Variants in CNKSR2 observed in about 807,000 individuals in gnomAD.
CNKSR2 encodes CNK homolog protein 2.
CNKSR2 carries 14 observed loss-of-function variants against 84.4 expected under a neutral mutation model. The observed-to-expected ratio is 0.17, with a 90% CI of 0.11 to 0.26. The LOEUF (loss-of-function observed/expected upper bound fraction) is 0.26, where lower values mean the gene tolerates loss of function less well. CNKSR2 is among the 10% of genes least tolerant of loss of function. CNKSR2 has a pLI of 1.00. For synonymous variants in CNKSR2, 275 were observed against 277.9 expected, an observed-to-expected ratio of 0.99 and a Z score of 0.10; for missense variants, 485 against 771.2, an observed-to-expected ratio of 0.63 and a Z score of 4.40.
chrX:21,635,537 A>T (rs866362206), intron 20 of CNKSR2, among the ~76,000 whole-genome samples: 2 of 105,558 alleles, frequency 1.9e-5, no homozygotes. Context: ...TGTATATATA[A>T]ATATATGTAT....
chrX:21,514,789 T>A (rs758183838), intron 8 of CNKSR2, among the ~76,000 whole-genome samples: 1 of 111,596 alleles, frequency 9.0e-6, no homozygotes, highest in African/African-American at 3.2e-5. Context: ...CTAAACTCTT[T>A]GTATAAGTAG....
intron 1 of CNKSR2, among the ~76,000 whole-genome samples, chrX:21,418,276 G>C (rs182663122): frequency 2.2e-3 from 242 of 111,579 alleles, no homozygotes; most frequent in African/African-American, 7.4e-3. Context: ...TATTATTTTT[G>C]ATTGGTTCAT....
At chrX:21,584,970 A>G (rs1204547952) in intron 13 of CNKSR2, among the ~76,000 whole-genome samples, 1 of 110,488 alleles carries the variant, frequency 9.1e-6, no homozygotes, top group Non-Finnish European at 1.9e-5. Flanking sequence ...GGCTGGTCTT[A>G]GTGGCTCACA....
intron 1 of CNKSR2, among the ~76,000 whole-genome samples, chrX:21,421,233 C>G (rs970574344): frequency 9.1e-6 from 1 of 109,669 alleles, no homozygotes. Context: ...ACTCTAGTCA[C>G]CACGCTACCA....
At chrX:21,381,664 G>A (rs1180628781) in intron 1 of CNKSR2, among the ~76,000 whole-genome samples, 1 of 112,087 alleles carries the variant, frequency 8.9e-6, no homozygotes, top group Non-Finnish European at 1.9e-5. Flanking sequence ...ACTCTTGAAG[G>A]TTTGGCCATT....
At chrX:21,519,863 AT>A (rs906332108) in intron 9 of CNKSR2, among the ~76,000 whole-genome samples, 2 of 111,194 alleles carry the variant, frequency 1.8e-5, no homozygotes, top group African/African-American at 6.5e-5. Context: ...AAACAAGTTT[AT>A]CCTAACATAA....
chrX:21,439,956 A>T (rs2090762403), intron 3 of CNKSR2, among the ~76,000 whole-genome samples: 1 of 110,316 alleles, frequency 9.1e-6, no homozygotes, highest in African/African-American at 3.3e-5. Flanking sequence ...CCCCCCAAAA[A>T]AAAACTACAG....
chrX:21,562,219 ATGG>A lies in CNKSR2; in HGVS notation c.1393+663_1393+665del, dbSNP rs781613289. On this transcript the variant is annotated intron_variant, in intron 12 of 21. Coordinates refer to ENST00000379510, the MANE Select transcript of CNKSR2 (RefSeq NM_014927.5). ...AAATAGGATTTGATCAAGTGTGGGT[ATGG>A]TGGGCCCAGTGGGTCATGCTGCTAC... Among the ~76,000 whole-genome samples the A allele has an allele frequency of 2.7e-4, 30 of 110,920 alleles. No homozygotes were observed. In the East Asian group the frequency reaches 6.2e-3, roughly 23 times the overall value.
chrX:21,603,740 A>T (rs1430265211), intron 18 of CNKSR2, among the ~76,000 whole-genome samples: 1 of 112,492 alleles, frequency 8.9e-6, no homozygotes, highest in African/African-American at 3.2e-5. Flanking sequence ...TTCAAGACAG[A>T]CATTCATGAC....
rs375014716 is a variant in CNKSR2, at chrX:21,527,468, C to G, written c.1091+468C>G. 2.7e-5 allele frequency among the ~76,000 whole-genome samples: 3 copies of G among 109,881 alleles called. 1 individual carries two copies. In the East Asian group the frequency reaches 8.6e-4, roughly 32 times the overall value. ...TGATGATGAGGGAGAATGTCTTTTT[C>G]CCCTAATAATCCTGTGTCTGAAATT... On this transcript the variant is annotated intron_variant, in intron 10 of 21. Coordinates refer to ENST00000379510, the MANE Select transcript of CNKSR2 (RefSeq NM_014927.5).
intron 20 of CNKSR2, among the ~76,000 whole-genome samples, chrX:21,618,068 A>T (rs1426416584): frequency 9.0e-6 from 1 of 110,576 alleles, no homozygotes; most frequent in East Asian, 2.9e-4. Flanking sequence ...GCCAAGCCAG[A>T]GCCAATTAGA....
intron 1 of CNKSR2, 64 bp downstream of exon 1, chrX:21,375,025 A>G (rs2089787151): frequency 6.4e-5 from 61 of 947,841 alleles, no homozygotes; most frequent in Non-Finnish European, 7.2e-5. Flanking sequence ...CGAGGTTAGG[A>G]GGGGGCGCCC....
At position 21,501,530 on chromosome X, in the gene CNKSR2, A is replaced by G; in HGVS notation, c.752A>G (p.Asp251Gly). Reference sequence around the variant, plus strand: ...TTATATTAAATTCAGTCACCTGCAGATCGGTGCAAGAAAATCCATGCTGGC... The same window carrying G: ...TTATATTAAATTCAGTCACCTGCAGGTCGGTGCAAGAAAATCCATGCTGGC... ...ITGTTENSPA[D>G]RCKKIHAGDE... The change falls in exon 8 of 22, where the codon GAT becomes GGT. Residue 251 changes from aspartate (D) to glycine (G), a missense_variant. Coordinates refer to ENST00000379510, the MANE Select transcript of CNKSR2 (RefSeq NM_014927.5). 1 of 1,152,501 alleles carries G rather than the reference A, an allele frequency of 8.7e-7. No homozygotes were observed. Among genetic ancestry groups the G allele is most frequent in the Non-Finnish European group, 1.2e-6 (1 of 853,130 alleles). 95.0% of individuals were successfully genotyped at this position (1,152,501 alleles called of 1,213,427 possible). A position where few individuals can be genotyped will look rare whatever the true frequency, so the allele number is the denominator to read the frequency against.
chrX:21,577,580 C>T (rs2092327082), intron 13 of CNKSR2, among the ~76,000 whole-genome samples: 1 of 110,282 alleles, frequency 9.1e-6, no homozygotes, highest in Non-Finnish European at 1.9e-5. Context: ...TGTCTCCTAG[C>T]TTTATAGCCT....
intron 2 of CNKSR2, chrX:21,427,758 G>A (rs745341554): frequency 1.8e-5 from 2 of 112,400 alleles, no homozygotes; most frequent in Admixed American, 9.4e-5. Flanking sequence ...CTGTACTCCT[G>A]AAACATATAC....
intron 4 of CNKSR2, among the ~76,000 whole-genome samples, chrX:21,464,488 C>T (rs771417844): frequency 9.0e-6 from 1 of 111,653 alleles, no homozygotes; most frequent in Non-Finnish European, 1.9e-5. Flanking sequence ...GTTGTTAAAT[C>T]GGCTGGGGGG....
chrX:21,458,625 T>C (rs781130813), intron 4 of CNKSR2, among the ~76,000 whole-genome samples: 2 of 112,392 alleles, frequency 1.8e-5, no homozygotes, highest in East Asian at 5.6e-4. Context: ...TTTTAACTTT[T>C]AAGATCAGAG....
chrX:21,600,827 T>C (rs747208489), intron 17 of CNKSR2, among the ~76,000 whole-genome samples: 1 of 112,550 alleles, frequency 8.9e-6, no homozygotes, highest in East Asian at 2.8e-4. Context: ...ATAAGCTTAA[T>C]CAAAACTATG....
In CNKSR2 at chrX:21,491,194, CAA is replaced by C. The variant is rs1207237938; in HGVS notation, c.681+617_681+618del. 2.7e-5 allele frequency: 3 copies of C among 110,398 alleles called. No homozygotes were observed. In the East Asian group the frequency reaches 8.5e-4, roughly 31 times the overall value. 9.1% of individuals were successfully genotyped at this position (110,398 alleles called of 1,213,427 possible). On this transcript the variant is annotated intron_variant, in intron 6 of 21. Coordinates refer to ENST00000379510, the MANE Select transcript of CNKSR2 (RefSeq NM_014927.5). ...AAGTGTATTGGTTCTAGATTTAACC[CAA>C]GAGAGAGATTTTTTAAAATATAAGT...
Sources: allele counts gnomAD v4.1 joint callset (sites outside exome capture counted in the v4.1 genomes callset), GRCh38; gene constraint gnomAD v4.1.1; transcripts MANE v1.5; gene names NCBI Gene and HGNC (gene_info 2026-07-23, HGNC 2026-07-21).